The following PHLDB2 variants were observed in gnomAD, a reference collection of about 807,000 sequenced individuals.
PHLDB2 encodes the protein pleckstrin homology-like domain family B member 2.
Under a neutral mutation model 123.6 loss-of-function variants are expected in PHLDB2, and 71 were observed. The observed-to-expected ratio is 0.57, with a 90% CI of 0.47 to 0.70. PHLDB2 has a LOEUF of 0.70. Ranked by LOEUF, PHLDB2 falls within the 30% of genes least tolerant of loss-of-function variation. PHLDB2 has a pLI of 0.00. For missense variants in PHLDB2, 1,446 were observed against 1,519.5 expected (o/e 0.95, Z 0.80); for synonymous variants, 547 against 541.6 (o/e 1.01, Z -0.14).
chr3:111,958,243 G>T, intron 12 of PHLDB2: 2 of 985,648 alleles, frequency 2.0e-6, no homozygotes, highest in Non-Finnish European at 2.4e-6. Context: ...CTTGTCCTGT[G>T]CCCTCTTCTT....
At chr3:111,767,360 A>G (rs2060100642) in intron 1 of PHLDB2, among the ~76,000 whole-genome samples, 1 of 152,182 alleles carries the variant, frequency 6.6e-6, no homozygotes, top group Admixed American at 6.5e-5. Context: ...AGACATCTGT[A>G]AACATCTGTC....
intron 1 of PHLDB2, among the ~76,000 whole-genome samples, chr3:111,744,226 G>C (rs931170415): frequency 1.3e-5 from 2 of 152,134 alleles, no homozygotes; most frequent in Non-Finnish European, 2.9e-5. Context: ...ATGAAATAAA[G>C]GCAAATTGAA....
intron 8 of PHLDB2, among the ~76,000 whole-genome samples, chr3:111,943,401 A>G (rs2070047919): frequency 6.6e-6 from 1 of 151,982 alleles, no homozygotes; most frequent in Non-Finnish European, 1.5e-5. Context: ...ACCTCAATAT[A>G]AAAATTAAAA....
At chr3:111,860,403 T>C (rs2064768189) in intron 1 of PHLDB2, among the ~76,000 whole-genome samples, 1 of 152,212 alleles carries the variant, frequency 6.6e-6, no homozygotes, top group African/African-American at 2.4e-5. Context: ...CCCCTAGAGA[T>C]AGCAGCTGGA....
intron 2 of PHLDB2, among the ~76,000 whole-genome samples, chr3:111,905,650 C>T (rs2067474227): frequency 1.3e-5 from 2 of 152,188 alleles, no homozygotes; most frequent in Admixed American, 6.5e-5. Flanking sequence ...GCCACCACAC[C>T]CTACCTTAAA....
chr3:111,780,596 A>T (rs1473018110), intron 1 of PHLDB2, among the ~76,000 whole-genome samples: 1 of 151,956 alleles, frequency 6.6e-6, no homozygotes. Context: ...ATTCCATTAT[A>T]GCGACAGAAA....
intron 12 of PHLDB2, 155 bp from the exon 13 acceptor site, chr3:111,961,953 G>A (rs1179061837): frequency 5.8e-6 from 4 of 695,222 alleles, no homozygotes; most frequent in African/African-American, 5.5e-5. Context: ...TGAGCACGGT[G>A]CTCTTTCTTT....
intron 1 of PHLDB2, among the ~76,000 whole-genome samples, chr3:111,774,956 A>G (rs944693960): frequency 4.4e-4 from 67 of 152,202 alleles, no homozygotes; most frequent in Non-Finnish European, 9.4e-4. Flanking sequence ...AGGATGTGCC[A>G]TAAGGAGTGA....
intron 1 of PHLDB2, among the ~76,000 whole-genome samples, chr3:111,817,021 A>G (rs994302107): frequency 1.3e-5 from 2 of 152,222 alleles, no homozygotes; most frequent in Non-Finnish European, 2.9e-5. Flanking sequence ...CATGCAAGAC[A>G]TGACATGCTC....
chr3:111,832,281 G>C (rs997078286), intron 1 of PHLDB2, among the ~76,000 whole-genome samples: 1 of 151,738 alleles, frequency 6.6e-6, no homozygotes, highest in African/African-American at 2.4e-5. Context: ...TCTTTCCCCT[G>C]AATCCAACAA....
intron 12 of PHLDB2, among the ~76,000 whole-genome samples, chr3:111,956,201 A>G (rs946731352): frequency 6.6e-6 from 1 of 152,212 alleles, no homozygotes; most frequent in Non-Finnish European, 1.5e-5. Context: ...CTCAAAAAAT[A>G]AATTAATAAA....
chr3:111,819,317 T>A (rs192093648), intron 1 of PHLDB2, among the ~76,000 whole-genome samples: 5 of 152,232 alleles, frequency 3.3e-5, no homozygotes, highest in Non-Finnish European at 7.4e-5. Flanking sequence ...ACGACAAATC[T>A]TCGAGACTTC....
intron 3 of PHLDB2, among the ~76,000 whole-genome samples, chr3:111,917,899 A>AT (rs1211975454): frequency 2.0e-5 from 3 of 151,994 alleles, no homozygotes; most frequent in East Asian, 3.8e-4. Context: ...TAATTTGAAG[A>AT]TTTTTTTTAA....
chr3:111,814,084 A>C (rs958790320), intron 1 of PHLDB2, among the ~76,000 whole-genome samples: 3 of 152,244 alleles, frequency 2.0e-5, no homozygotes, highest in African/African-American at 7.2e-5. Context: ...GACATGGTCC[A>C]AAACAGTGTA....
intron 2 of PHLDB2, among the ~76,000 whole-genome samples, chr3:111,894,962 GT>G (rs1232625214): frequency 2.0e-5 from 3 of 150,432 alleles, no homozygotes; most frequent in African/African-American, 7.3e-5. Context: ...GTATGTATGT[GT>G]GGGTCTGTAT....
chr3:111,901,587 T>C (rs1190927199), intron 2 of PHLDB2, among the ~76,000 whole-genome samples: 2 of 152,290 alleles, frequency 1.3e-5, no homozygotes, highest in South Asian at 4.1e-4. Flanking sequence ...ATACCTCTCA[T>C]ATACTTATTT....
At chr3:111,946,006 T>G in intron 9 of PHLDB2, among the ~76,000 whole-genome samples, 1 of 146,060 alleles carries the variant, frequency 6.8e-6, no homozygotes, top group East Asian at 1.9e-4. Context: ...ATTTGGAAAA[T>G]TATAACTGAG....
chr3:111,743,061 G>T (rs2059629535), intron 1 of PHLDB2, among the ~76,000 whole-genome samples: 3 of 152,156 alleles, frequency 2.0e-5, no homozygotes. Flanking sequence ...CAAAGGAGTT[G>T]GGGTCCAAGT....
At chr3:111,825,010 A>C (rs2062588164) in intron 1 of PHLDB2, among the ~76,000 whole-genome samples, 1 of 152,176 alleles carries the variant, frequency 6.6e-6, no homozygotes, top group Non-Finnish European at 1.5e-5. Flanking sequence ...TAAATAACTT[A>C]AAATTTAATC....
Sources: gnomAD v4.1 joint callset for allele counts (sites outside exome capture counted in the v4.1 genomes callset) on GRCh38, gnomAD v4.1.1 for gene constraint, MANE v1.5 for transcripts, NCBI Gene and HGNC (gene_info 2026-07-23, HGNC 2026-07-21) for gene names.